Variants in SIK3 observed in about 807,000 individuals in gnomAD.
The protein encoded by SIK3 is serine/threonine-protein kinase SIK3.
In SIK3, 28 loss-of-function variants were observed where a neutral mutation model predicts 144.2. That is an observed-to-expected ratio of 0.19 (90% CI 0.14 to 0.27). The LOEUF is 0.27. Ranked by LOEUF, SIK3 falls within the 10% of genes least tolerant of loss-of-function variation. The pLI, the probability that SIK3 is intolerant of heterozygous loss-of-function variation, is 1.00. For missense variants in SIK3, 1,319 were observed against 1,776.0 expected, an observed-to-expected ratio of 0.74 and a Z score of 4.62; for synonymous variants, 686 against 676.3, an observed-to-expected ratio of 1.01 and a Z score of -0.22.
intron 1 of SIK3, among the ~76,000 whole-genome samples, chr11:116,965,767 AT>A (rs1565507708): frequency 1.2e-4 from 4 of 32,338 alleles, no homozygotes; most frequent in South Asian, 6.6e-4. Flanking sequence ...ATATATATAT[AT>A]ATATATATAT....
At chr11:116,965,503 T>C (rs1042429179) in intron 1 of SIK3, among the ~76,000 whole-genome samples, 2 of 151,678 alleles carry the variant, frequency 1.3e-5, no homozygotes, top group African/African-American at 4.9e-5. Context: ...ATTAAACAAA[T>C]TGCAGAAGTT....
intron 3 of SIK3, among the ~76,000 whole-genome samples, chr11:116,945,092 T>C (rs1317670971): frequency 6.6e-6 from 1 of 152,150 alleles, no homozygotes; most frequent in Non-Finnish European, 1.5e-5. Flanking sequence ...CCTGAGTAGC[T>C]GGGACTACAG....
chr11:116,965,337 T>C (rs1949489121), intron 1 of SIK3, among the ~76,000 whole-genome samples: 1 of 152,098 alleles, frequency 6.6e-6, no homozygotes, highest in African/African-American at 2.4e-5. Context: ...AATCAACTCT[T>C]GTCCTACAGG....
intron 16 of SIK3, 91 bp from the exon 17 acceptor site, chr11:116,862,418 A>C: frequency 6.4e-7 from 1 of 1,555,910 alleles, no homozygotes; most frequent in Non-Finnish European, 8.8e-7. Context: ...CCAAGCTCTC[A>C]TGGGCAGAAA....
chr11:116,861,902 A>G lies in SIK3; in HGVS notation c.2254T>C (p.Ser752Pro), dbSNP rs758090575. 6.2e-7 allele frequency: 1 copy of G among 1,611,520 alleles called. No individual in the cohort carries two copies. Among genetic ancestry groups the G allele is most frequent in the South Asian group, 1.1e-5 (1 of 90,252 alleles). The change falls in exon 18 of 25, where the codon TCT becomes CCT. Residue 752 changes from serine (S) to proline (P), a missense_variant. By Grantham distance (74) the Ser-to-Pro change is moderately conservative (BLOSUM62 -1). Around this residue, in one of 8 missense-constraint regions of SIK3, gnomAD observed 77 missense variants for 141.9 expected, o/e 0.54. Transcript: ENST00000445177. ...TCACATGCAGCCTGAAGAGGTGGAG[A>G]TGGCTGAGGAGGACAGATAGAGTCC... ...IQDSICPPQP[S>P]PPLQAACENQ...
intron 1 of SIK3, among the ~76,000 whole-genome samples, chr11:117,095,192 TAAAAAA>T (rs3057848): frequency 1.1e-4 from 14 of 122,172 alleles, no homozygotes; most frequent in East Asian, 2.4e-4. Context: ...CATGTGTGTT[TAAAAAA>T]AAAAAAAAAA....
intron 14 of SIK3, chr11:116,868,642 C>T (rs1943784918): frequency 6.5e-6 from 1 of 154,110 alleles, no homozygotes; most frequent in Admixed American, 6.4e-5. Flanking sequence ...CGCTTGGTGA[C>T]TATAACTCAA....
chr11:117,006,207 TCA>T (rs1171018139), intron 1 of SIK3, among the ~76,000 whole-genome samples: 7 of 152,244 alleles, frequency 4.6e-5, no homozygotes, highest in Non-Finnish European at 1.0e-4. Flanking sequence ...AAATGGAATA[TCA>T]CAAAGACCTC....
intron 9 of SIK3, 33 bp downstream of exon 9, chr11:116,875,833 G>T: frequency 6.3e-7 from 1 of 1,579,486 alleles, no homozygotes. Flanking sequence ...GGTGTTACTT[G>T]TCCTGAACTA....
intron 6 of SIK3, among the ~76,000 whole-genome samples, chr11:116,883,448 A>G (rs1944650364): frequency 6.6e-6 from 1 of 152,208 alleles, no homozygotes; most frequent in African/African-American, 2.4e-5. Context: ...TTCTGCCAAG[A>G]TACCTTCTTT....
At chr11:117,009,577 CAG>C (rs1951177427) in intron 1 of SIK3, among the ~76,000 whole-genome samples, 1 of 151,460 alleles carries the variant, frequency 6.6e-6, no homozygotes, top group South Asian at 2.1e-4. Context: ...AAAAACAAAA[CAG>C]AGAAACTCTG....
intron 1 of SIK3, among the ~76,000 whole-genome samples, chr11:117,030,525 T>A (rs2135793979): frequency 6.6e-6 from 1 of 152,238 alleles, no homozygotes; most frequent in South Asian, 2.1e-4. Flanking sequence ...AACTATATAA[T>A]ATAAAAATGC....
At chr11:117,046,597 G>T (rs1952976260) in intron 1 of SIK3, among the ~76,000 whole-genome samples, 1 of 152,060 alleles carries the variant, frequency 6.6e-6, no homozygotes, top group African/African-American at 2.4e-5. Context: ...CTACTATATT[G>T]GTGAGGCAAA....
intron 1 of SIK3, among the ~76,000 whole-genome samples, chr11:117,033,499 A>C (rs1230659193): frequency 3.3e-5 from 5 of 152,130 alleles, no homozygotes; most frequent in Admixed American, 3.3e-4. Context: ...CAAGAGATCA[A>C]GACCATCCTG....
At position 116,890,907 on chromosome 11, in the gene SIK3, C is replaced by T. The variant is rs543504659; in HGVS notation, c.865+5346G>A. On this transcript the variant is annotated intron_variant, in intron 6 of 24. Transcript: ENST00000445177. ...TCAGGTTATAAAGGTATTTCTATGT[C>T]ATTGTTTCTGAAATAGCAGATAGGA... Among the ~76,000 whole-genome samples the T allele has an allele frequency of 9.8e-4, 149 of 152,240 alleles. 1 individual carries two copies. Among genetic ancestry groups the T allele is most frequent in the Non-Finnish European group, 1.7e-3 (116 of 68,014 alleles).
At chr11:117,024,556 C>T (rs1399039815) in intron 1 of SIK3, among the ~76,000 whole-genome samples, 1 of 152,126 alleles carries the variant, frequency 6.6e-6, no homozygotes, top group Non-Finnish European at 1.5e-5. Context: ...GGTAACACCA[C>T]CAAAGTTAAG....
At chr11:117,075,478 TC>T (rs1257435320) in intron 1 of SIK3, among the ~76,000 whole-genome samples, 2 of 152,192 alleles carry the variant, frequency 1.3e-5, no homozygotes, top group African/African-American at 4.8e-5. Flanking sequence ...TAGGCAAACT[TC>T]CTGACTTGCT....
rs903702272 is a variant in SIK3 at position 116,849,507 on chromosome 11, G to A, written c.3656-224C>T. ...CACACCCTTAGGGAAAAAATTCCAC[G>A]TAACAGGGCATGGCTGGACCCCACC... is the stretch of plus-strand genomic sequence containing the variant. On this transcript the variant is annotated intron_variant, in intron 21 of 24. Coordinates refer to ENST00000445177, the MANE Select transcript of SIK3 (RefSeq NM_001366686.3). The surrounding 1 kb of genome is among the most constrained non-coding windows in gnomAD (Gnocchi z 4.2). Among the ~76,000 whole-genome samples the A allele has an allele frequency of 3.3e-5, 5 of 152,118 alleles. No homozygotes were observed. Among genetic ancestry groups the A allele is most frequent in the Admixed American group, 1.3e-4 (2 of 15,282 alleles).
At chr11:116,905,241 CATA>C (rs1214911522) in intron 4 of SIK3, among the ~76,000 whole-genome samples, 1 of 152,198 alleles carries the variant, frequency 6.6e-6, no homozygotes, top group Non-Finnish European at 1.5e-5. Flanking sequence ...TTTCACTGAG[CATA>C]ATATTTTGGA....
Sources: allele counts gnomAD v4.1 joint callset (sites outside exome capture counted in the v4.1 genomes callset), GRCh38; gene constraint gnomAD v4.1.1; regional missense constraint gnomAD v4.1.1; non-coding constraint Gnocchi (gnomAD v3.1); transcripts MANE v1.5; gene names NCBI Gene and HGNC (gene_info 2026-07-23, HGNC 2026-07-21).